GPR17: variants seen among roughly 807,000 people sequenced by gnomAD.
GPR17 encodes uracil nucleotide/cysteinyl leukotriene receptor.
In GPR17, 4 loss-of-function variants were observed where a neutral mutation model predicts 1.5. The ratio of observed to expected loss-of-function variants is 2.73; its 90% CI spans 1.35 to 6.25. The LOEUF is 6.25. GPR17 is among the 30% of genes most tolerant of loss of function. The pLI is 0.00. For missense variants in GPR17, 463 were observed against 462.1 expected, an observed-to-expected ratio of 1.00 and a Z score of -0.02; for synonymous variants, 209 against 207.6, an observed-to-expected ratio of 1.01 and a Z score of -0.06.
Position 127,651,540 on chromosome 2 carries a change from T to C in GPR17, c.805T>C (p.Cys269Arg), listed in dbSNP as rs931128407. The C allele has an allele frequency of 2.5e-6, 4 of 1,612,528 alleles. No homozygotes were observed. Among genetic ancestry groups the C allele is most frequent in the Non-Finnish European group, 3.4e-6 (4 of 1,180,034 alleles). Residue 269 changes from cysteine (C) to arginine (R), a missense_variant, in exon 2 of 2, where the codon TGC (cysteine) becomes CGC (arginine). Cys to Arg is a radical substitution (Grantham distance 180). Coordinates refer to ENST00000486700, the MANE Select transcript of GPR17 (RefSeq NM_001161417.2). ...VLHYRSHGAS[C>R]ATQRILALAN... Reference sequence around the variant, plus strand: ...GCACTACCGCAGCCATGGGGCCTCCTGCGCCACCCAGCGCATCCTGGCCCT... The same window carrying C: ...GCACTACCGCAGCCATGGGGCCTCCCGCGCCACCCAGCGCATCCTGGCCCT...
Position 127,652,050 on chromosome 2 carries a change from G to A in GPR17, c.*295G>A, listed in dbSNP as rs1277485193. On this transcript the variant is annotated 3_prime_UTR_variant, in exon 2 of 2. Coordinates refer to ENST00000486700, the MANE Select transcript of GPR17 (RefSeq NM_001161417.2). ...GGAAGAACAACCCCTGAACAATGGAGGCCTTTCTTTCCCGCTAGGCTCCCA... is the reference window on the plus strand; with the variant it reads ...GGAAGAACAACCCCTGAACAATGGAAGCCTTTCTTTCCCGCTAGGCTCCCA... 4.8e-6 allele frequency: 2 copies of A among 412,708 alleles called. No homozygotes were observed. Among genetic ancestry groups the A allele is most frequent in the East Asian group, 7.9e-5 (2 of 25,220 alleles). 25.6% of individuals were successfully genotyped at this position (412,708 alleles called of 1,614,324 possible). A position where few individuals can be genotyped will look rare whatever the true frequency, so the allele number is the denominator to read the frequency against.
Position 127,649,179 on chromosome 2 carries a change from G to GGAAA in GPR17, c.-20-1534_-20-1533insAGAA, listed in dbSNP as rs1316602152. On this transcript the variant is annotated intron_variant, in intron 1 of 1. Coordinates refer to ENST00000486700, the MANE Select transcript of GPR17 (RefSeq NM_001161417.2). ...AGAGAGGAAGGTAGGAAGGAAGGAAGGAAGGAAGGAAGGAAGGAAGGAAGG... is the reference window on the plus strand; with the variant it reads ...AGAGAGGAAGGTAGGAAGGAAGGAAGGAAAGAAGGAAGGAAGGAAGGAAGGAAGG... 3.1e-3 allele frequency among the ~76,000 whole-genome samples: 369 copies of GGAAA among 118,398 alleles called. 2 individuals are homozygous for GGAAA. Among genetic ancestry groups the GGAAA allele is most frequent in the African/African-American group, 0.011 (246 of 21,970 alleles). 77.7% of individuals were successfully genotyped at this position (118,398 alleles called of 152,430 possible). A position where few individuals can be genotyped will look rare whatever the true frequency, so the allele number is the denominator to read the frequency against.
rs1683573908 is a variant in GPR17 at position 127,650,107 on chromosome 2, AG to A, written c.-20-606del. 5.1e-6 allele frequency: 8 copies of A among 1,575,828 alleles called. No homozygotes were observed. In the South Asian group the frequency reaches 6.8e-5, roughly 13 times the overall value. On this transcript the variant is annotated intron_variant, in intron 1 of 1. Transcript: ENST00000486700. ...AAAAAGAGTAGACCTCTGACGTCCC[AG>A]GGTACAGCCCTTGCTGCCATCCTGG...
chr2:127,649,095 A>AAAAG (rs1219737598), intron 1 of GPR17, among the ~76,000 whole-genome samples: 15 of 144,630 alleles, frequency 1.0e-4, no homozygotes, highest in Non-Finnish European at 1.7e-4. Context: ...AAAAAAGAAA[A>AAAAG]AAGAAAAGAA....
rs1683768855 is a variant in GPR17, at chr2:127,651,398, G to T, written c.663G>T (p.Gln221His). The T allele has an allele frequency of 6.2e-7, 1 of 1,612,706 alleles. No homozygotes were observed. The highest frequency in any genetic ancestry group is 8.5e-7 in the Non-Finnish European group (1 of 1,180,052). Residue 221 changes from glutamine to histidine, a missense_variant, in exon 2 of 2, where the codon CAG (glutamine) becomes CAT (histidine). Gln to His is a conservative substitution (Grantham distance 24). Coordinates refer to ENST00000486700, the MANE Select transcript of GPR17 (RefSeq NM_001161417.2). ...CYLLIIRSLR[Q>H]GLRVEKRLKT... ...TGCTGATCATCCGCAGCCTGCGGCA[G>T]GGCCTGCGTGTGGAGAAGCGCCTCA...
chr2:127,650,699 T>C lies in GPR17; in HGVS notation c.-20-17T>C. On this transcript the variant is annotated splice_polypyrimidine_tract_variant and intron_variant, in intron 1 of 1. Transcript: ENST00000486700. ...AGATCGCAAGCTCATTGTGAACTGT[T>C]TGCTTGTTCCCTCCAGGCTCTGACT... The C allele has an allele frequency of 1.3e-6, 2 of 1,574,876 alleles. No individual in the cohort carries two copies. Among genetic ancestry groups the C allele is most frequent in the Middle Eastern group, 1.7e-4 (1 of 5,908 alleles).
At chr2:127,649,965 A>G (rs1479098220) in intron 1 of GPR17, 4 of 1,503,174 alleles carry the variant, frequency 2.7e-6, no homozygotes, top group Admixed American at 3.5e-5. Context: ...CTGGCCTGAT[A>G]CCCAGGCACA....
rs759770800 is a variant in GPR17 at position 127,651,189 on chromosome 2, T to C, written c.454T>C (p.Cys152Arg). The change falls in exon 2 of 2, where the codon TGT becomes CGT. Residue 152 changes from cysteine to arginine, a missense_variant. Coordinates refer to ENST00000486700, the MANE Select transcript of GPR17 (RefSeq NM_001161417.2). ...LRRPLYAHLACAFLWVVVAVA... is the reference protein window; with the variant it reads ...LRRPLYAHLARAFLWVVVAVA... Reference sequence around the variant, plus strand: ...CAGGCCCCTCTACGCACACCTGGCCTGTGCCTTCCTGTGGGTGGTGGTGGC... The same window carrying C: ...CAGGCCCCTCTACGCACACCTGGCCCGTGCCTTCCTGTGGGTGGTGGTGGC... The C allele has an allele frequency of 1.9e-6, 3 of 1,611,332 alleles. No homozygotes were observed. The highest frequency in any genetic ancestry group is 2.2e-5 in the South Asian group (2 of 91,018).
At position 127,651,643 on chromosome 2, in the gene GPR17, A is replaced by C; in HGVS notation, c.908A>C (p.Lys303Thr). The C allele has an allele frequency of 6.2e-7, 1 of 1,613,506 alleles. No homozygotes were observed. The highest frequency in any genetic ancestry group is 8.5e-7 in the Non-Finnish European group (1 of 1,180,032). The change falls in exon 2 of 2, where the codon AAG becomes ACG. Residue 303 changes from lysine (K) to threonine (T), a missense_variant. Coordinates refer to ENST00000486700, the MANE Select transcript of GPR17 (RefSeq NM_001161417.2). ...ATCATGTATTTCTTCGTGGCTGAGAAGTTCCGCCACGCCCTGTGCAACTTG... is the reference window on the plus strand; with the variant it reads ...ATCATGTATTTCTTCGTGGCTGAGACGTTCCGCCACGCCCTGTGCAACTTG... ...DPIMYFFVAE[K>T]FRHALCNLLC...
Position 127,651,384 on chromosome 2 carries a change from C to A in GPR17, c.649C>A (p.Arg217Ser). 6.2e-7 allele frequency: 1 copy of A among 1,612,752 alleles called. No homozygotes were observed. Among genetic ancestry groups the A allele is most frequent in the Non-Finnish European group, 8.5e-7 (1 of 1,180,042 alleles). ...TTVTCYLLII[R>S]SLRQGLRVEK... ...GGTCACCTGCTACCTGCTGATCATC[C>A]GCAGCCTGCGGCAGGGCCTGCGTGT... The change falls in exon 2 of 2, where the codon CGC (arginine) becomes AGC (serine). Residue 217 changes from arginine to serine, a missense_variant. Arg to Ser is a moderately radical substitution (Grantham distance 110). Transcript: ENST00000486700.
rs1281367947 is a variant in GPR17, at chr2:127,647,548, C to A, written c.-21+1304C>A. Among the ~76,000 whole-genome samples the A allele has an allele frequency of 1.3e-5, 2 of 152,166 alleles. No individual in the cohort carries two copies. The highest frequency in any genetic ancestry group is 2.9e-5 in the Non-Finnish European group (2 of 68,008). Reference sequence around the variant, plus strand: ...CTCGTGGGGCCAGGTGATGCCTGCACTGTGGGGCACAGCACAGGCCTGAGG... The same window carrying A: ...CTCGTGGGGCCAGGTGATGCCTGCAATGTGGGGCACAGCACAGGCCTGAGG... On this transcript the variant is annotated intron_variant, in intron 1 of 1. Coordinates refer to ENST00000486700, the MANE Select transcript of GPR17 (RefSeq NM_001161417.2). This position sits in a 1 kb window ranked among gnomAD's most constrained non-coding sequence, Gnocchi z 4.3.
intron 1 of GPR17, among the ~76,000 whole-genome samples, chr2:127,646,946 C>G (rs1277888995): frequency 6.6e-6 from 1 of 152,234 alleles, no homozygotes; most frequent in East Asian, 1.9e-4. Flanking sequence ...CTCAGCAAAC[C>G]TGAAACCAAC....
chr2:127,648,970 G>GA (rs1683313277), intron 1 of GPR17, among the ~76,000 whole-genome samples: 1 of 25,348 alleles, frequency 3.9e-5, no homozygotes, highest in African/African-American at 1.5e-4. Flanking sequence ...GGGAGGGGGG[G>GA]AGGGGAGGGA....
chr2:127,648,991 G>GGGGGGGGGGGAGGGAGA (rs1457959172), intron 1 of GPR17, among the ~76,000 whole-genome samples: 1 of 26,092 alleles, frequency 3.8e-5, no homozygotes, highest in African/African-American at 1.4e-4. Flanking sequence ...GGGGAGGGGA[G>GGGGGGGGGGGAGGGAGA]GGAGGGGAGG....
chr2:127,651,975 T>G lies in GPR17; in HGVS notation c.*220T>G. On this transcript the variant is annotated 3_prime_UTR_variant, in exon 2 of 2. Coordinates refer to ENST00000486700, the MANE Select transcript of GPR17 (RefSeq NM_001161417.2). ...CTGCAGGGGCTTGTGATGGCTACAATGGCTCCTAGACACTCAACGACTTCA... is the reference window on the plus strand; with the variant it reads ...CTGCAGGGGCTTGTGATGGCTACAAGGGCTCCTAGACACTCAACGACTTCA... The G allele has an allele frequency of 1.7e-6, 1 of 601,872 alleles. No homozygotes were observed. 37.3% of individuals were successfully genotyped at this position (601,872 alleles called of 1,614,324 possible).
chr2:127,649,883 T>C (rs908844157), intron 1 of GPR17: 4 of 750,478 alleles, frequency 5.3e-6, no homozygotes, highest in Non-Finnish European at 8.8e-6. Flanking sequence ...CTGGGTAAAA[T>C]GGGTCTTCCC....
chr2:127,650,393 T>C, intron 1 of GPR17: 1 of 532,626 alleles, frequency 1.9e-6, no homozygotes, highest in South Asian at 2.5e-5. Flanking sequence ...CAGGCAAGGC[T>C]CACGTCCCAT....
rs1683676064 is a variant in GPR17 at position 127,650,806 on chromosome 2, G to A, written c.71G>A (p.Gly24Asp). 6.2e-7 allele frequency: 1 copy of A among 1,613,728 alleles called. No homozygotes were observed. The highest frequency in any genetic ancestry group is 8.5e-7 in the Non-Finnish European group (1 of 1,179,690). The change falls in exon 2 of 2, where the codon GGC becomes GAC. Residue 24 changes from glycine to aspartate, a missense_variant. Gly to Asp is a moderately conservative substitution (Grantham distance 94, BLOSUM62 -1). Coordinates refer to ENST00000486700, the MANE Select transcript of GPR17 (RefSeq NM_001161417.2). ...NFSLATAEQCGQETPLENMLF... is the reference protein window; with the variant it reads ...NFSLATAEQCDQETPLENMLF... Reference sequence around the variant, plus strand: ...TCCCTGGCCACGGCAGAGCAATGTGGCCAGGAGACGCCACTGGAGAACATG... The same window carrying A: ...TCCCTGGCCACGGCAGAGCAATGTGACCAGGAGACGCCACTGGAGAACATG...
chr2:127,649,827 G>A (rs778782451), intron 1 of GPR17: 30 of 595,918 alleles, frequency 5.0e-5, no homozygotes, highest in Admixed American at 2.1e-4. Context: ...AGGCCTCTCT[G>A]GGGCTGCAGA....
Sources: gnomAD v4.1 joint callset for allele counts (sites outside exome capture counted in the v4.1 genomes callset) on GRCh38, gnomAD v4.1.1 for gene constraint, Gnocchi (gnomAD v3.1) non-coding constraint, MANE v1.5 for transcripts, NCBI Gene and HGNC (gene_info 2026-07-23, HGNC 2026-07-21) for gene names.